NEO1: variants seen among roughly 807,000 people sequenced by gnomAD.
NEO1 encodes neogenin.
NEO1 carries 63 observed loss-of-function variants against 159.7 expected under a neutral mutation model. The ratio of observed to expected loss-of-function variants is 0.39; its 90% CI spans 0.32 to 0.49. The LOEUF (loss-of-function observed/expected upper bound fraction) is 0.49. Among genes scored for constraint, NEO1 ranks in the 20% least tolerant of loss-of-function variants. The probability of loss-of-function intolerance (pLI) is 0.85; values close to 1 mark genes in which losing one functional copy is unlikely to be tolerated. For synonymous variants in NEO1, 633 were observed against 662.0 expected (o/e 0.96, Z 0.67); for missense variants, 1,615 against 1,831.0 (o/e 0.88, Z 2.15).
intron 1 of NEO1, among the ~76,000 whole-genome samples, chr15:73,084,942 G>A (rs546216285): frequency 8.5e-5 from 13 of 152,200 alleles, no homozygotes; most frequent in African/African-American, 2.6e-4. Context: ...ATGTAAAACC[G>A]TGAACCAGGT....
At chr15:73,252,554 C>T (rs907109256) in intron 11 of NEO1, among the ~76,000 whole-genome samples, 1 of 152,136 alleles carries the variant, frequency 6.6e-6, no homozygotes, top group Non-Finnish European at 1.5e-5. Flanking sequence ...CCTTCAAAAC[C>T]AGCTTAGAAA....
chr15:73,151,169 A>G (rs1320466286), intron 5 of NEO1, among the ~76,000 whole-genome samples: 1 of 152,132 alleles, frequency 6.6e-6, no homozygotes, highest in Non-Finnish European at 1.5e-5. Context: ...GCATTTCTAT[A>G]TGGTTTTAAT....
At chr15:73,103,846 G>C (rs2070533339) in intron 1 of NEO1, among the ~76,000 whole-genome samples, 1 of 152,062 alleles carries the variant, frequency 6.6e-6, no homozygotes. Flanking sequence ...ATTTTTGAAA[G>C]AATGTGTAAA....
chr15:73,270,083 A>G lies in NEO1; in HGVS notation c.2568A>G (p.Pro856=). The change falls in exon 17 of 29, where the codon CCA becomes CCG. Residue 856 remains proline, a synonymous_variant. Coordinates refer to ENST00000261908, the MANE Select transcript of NEO1 (RefSeq NM_002499.4). ...TPVPDPTPMM[P]PVGVQASILS... is the part of the protein sequence containing the mutation. The stretch of plus-strand genomic sequence containing the variant: ...TGCCAGATCCCACTCCCATGATGCC[A>G]CCAGTGGGAGTTCAGGCTTCCATTC... 6.2e-7 allele frequency: 1 copy of G among 1,614,142 alleles called. No homozygotes were observed. Among genetic ancestry groups the G allele is most frequent in the Non-Finnish European group, 8.5e-7 (1 of 1,179,986 alleles).
At chr15:73,124,316 G>T (rs1414953807) in intron 3 of NEO1, among the ~76,000 whole-genome samples, 1 of 152,028 alleles carries the variant, frequency 6.6e-6, no homozygotes, top group African/African-American at 2.4e-5. Flanking sequence ...TCCTACCTTG[G>T]CCTCCCAAAG....
chr15:73,154,271 C>T (rs56955644), intron 5 of NEO1, among the ~76,000 whole-genome samples: 1,967 of 152,014 alleles, frequency 0.013, 34 homozygotes, highest in African/African-American at 0.045. Context: ...GATATTTTGA[C>T]GCTGGCATAC....
At chr15:73,286,444 C>T (rs1276866639) in intron 23 of NEO1, among the ~76,000 whole-genome samples, 1 of 152,096 alleles carries the variant, frequency 6.6e-6, no homozygotes, top group African/African-American at 2.4e-5. Flanking sequence ...CCATCAAATA[C>T]AGACATTCCT....
intron 1 of NEO1, among the ~76,000 whole-genome samples, chr15:73,066,320 CTTTTTT>C (rs35179965): frequency 7.3e-5 from 8 of 110,252 alleles, no homozygotes; most frequent in African/African-American, 2.2e-4. Context: ...CACCTGGCCT[CTTTTTT>C]TTTTTTTTTT....
At chr15:73,096,778 TC>T in intron 1 of NEO1, among the ~76,000 whole-genome samples, 1 of 152,252 alleles carries the variant, frequency 6.6e-6, no homozygotes, top group Middle Eastern at 3.4e-3. Context: ...TCTTCTGACT[TC>T]TTTTTGTTTC....
At chr15:73,182,760 T>C (rs1744699709) in intron 7 of NEO1, among the ~76,000 whole-genome samples, 2 of 152,016 alleles carry the variant, frequency 1.3e-5, no homozygotes, top group Non-Finnish European at 2.9e-5. Context: ...TATCTACCAG[T>C]AGGTCCCTTC....
intron 7 of NEO1, among the ~76,000 whole-genome samples, chr15:73,232,405 A>G (rs2038958446): frequency 6.6e-6 from 1 of 152,234 alleles, no homozygotes; most frequent in Admixed American, 6.5e-5. Flanking sequence ...TTATGCTCAA[A>G]TACCTCAAGC....
intron 5 of NEO1, among the ~76,000 whole-genome samples, chr15:73,170,605 C>G (rs2034893667): frequency 1.3e-5 from 2 of 151,992 alleles, no homozygotes. Context: ...TGAATTGAAA[C>G]AAACCAAATA....
intron 15 of NEO1, among the ~76,000 whole-genome samples, chr15:73,262,753 T>C (rs139277848): frequency 1.3e-5 from 2 of 152,270 alleles, no homozygotes; most frequent in African/African-American, 4.8e-5. Flanking sequence ...GAAATAAAAA[T>C]ACATGTCTGT....
intron 5 of NEO1, among the ~76,000 whole-genome samples, chr15:73,156,986 A>C (rs1431026271): frequency 1.3e-5 from 2 of 152,214 alleles, no homozygotes; most frequent in African/African-American, 4.8e-5. Context: ...CCCAGCAGCC[A>C]CAGATGTGGC....
At chr15:73,209,652 G>A (rs2152082882) in intron 7 of NEO1, among the ~76,000 whole-genome samples, 1 of 152,198 alleles carries the variant, frequency 6.6e-6, no homozygotes, top group South Asian at 2.1e-4. Flanking sequence ...TTTCAGAATG[G>A]TAGACACACC....
chr15:73,213,435 C>T (rs895572112), intron 7 of NEO1, among the ~76,000 whole-genome samples: 5 of 152,164 alleles, frequency 3.3e-5, no homozygotes, highest in Non-Finnish European at 7.4e-5. Flanking sequence ...CCACCATTCT[C>T]CCCAAGTCCC....
At chr15:73,196,717 C>T (rs2036550085) in intron 7 of NEO1, among the ~76,000 whole-genome samples, 1 of 152,160 alleles carries the variant, frequency 6.6e-6, no homozygotes, top group Non-Finnish European at 1.5e-5. Context: ...AAACCAAATT[C>T]AGAAGCACCA....
At chr15:73,263,161 A>G (rs2040704335) in intron 15 of NEO1, among the ~76,000 whole-genome samples, 1 of 148,478 alleles carries the variant, frequency 6.7e-6, no homozygotes, top group Admixed American at 6.7e-5. Context: ...GATACATTTT[A>G]TTATATGCTA....
At chr15:73,103,678 A>C (rs954509991) in intron 1 of NEO1, among the ~76,000 whole-genome samples, 2 of 152,002 alleles carry the variant, frequency 1.3e-5, no homozygotes, top group African/African-American at 4.8e-5. Context: ...CCCTTAACCT[A>C]GGTGCTTAGC....
Sources: allele counts gnomAD v4.1 joint callset (sites outside exome capture counted in the v4.1 genomes callset), GRCh38; gene constraint gnomAD v4.1.1; transcripts MANE v1.5; gene names NCBI Gene and HGNC (gene_info 2026-07-23, HGNC 2026-07-21).